The following FAM184B variants were observed in gnomAD, a reference collection of about 807,000 sequenced individuals.
The protein encoded by FAM184B is protein FAM184B.
In FAM184B, 111 loss-of-function variants were observed where a neutral mutation model predicts 135.9. The ratio of observed to expected loss-of-function variants is 0.82; its 90% CI spans 0.70 to 0.96. The LOEUF is 0.96. Among genes scored for constraint, FAM184B ranks in the 40% least tolerant of loss-of-function variants. FAM184B has a pLI of 0.00. For missense variants in FAM184B, 1,375 were observed against 1,323.9 expected (o/e 1.04, Z -0.60); for synonymous variants, 552 against 524.8 (o/e 1.05, Z -0.71).
chr4:17,771,947 T>A (rs1451638799), intron 1 of FAM184B, among the ~76,000 whole-genome samples: 6 of 152,146 alleles, frequency 3.9e-5, no homozygotes, highest in Non-Finnish European at 8.8e-5. Context: ...GGTGGAAAAT[T>A]TTCCCCCAAC....
chr4:17,640,975 C>T (rs752889843), intron 13 of FAM184B, among the ~76,000 whole-genome samples: 10 of 151,702 alleles, frequency 6.6e-5, no homozygotes, highest in Admixed American at 2.6e-4. Context: ...GCTCTGCCGC[C>T]CAGGCTGAAG....
At chr4:17,728,468 A>C (rs573800791) in intron 1 of FAM184B, among the ~76,000 whole-genome samples, 79 of 152,292 alleles carry the variant, frequency 5.2e-4, no homozygotes, top group African/African-American at 1.8e-3. Context: ...TTACATTTTG[A>C]CTGCTGTGAG....
chr4:17,750,160 T>C (rs1718262782), intron 1 of FAM184B, among the ~76,000 whole-genome samples: 1 of 152,242 alleles, frequency 6.6e-6, no homozygotes, highest in South Asian at 2.1e-4. Flanking sequence ...AGAGTCATCA[T>C]ACATATTGTA....
chr4:17,665,872 T>C (rs1716036140), intron 7 of FAM184B, among the ~76,000 whole-genome samples: 1 of 151,248 alleles, frequency 6.6e-6, no homozygotes. Flanking sequence ...TGTGCAGCCT[T>C]CATTCCTGGG....
At chr4:17,695,165 T>G (rs77622293) in intron 5 of FAM184B, among the ~76,000 whole-genome samples, 9 of 23,300 alleles carry the variant, frequency 3.9e-4, no homozygotes, top group Admixed American at 3.8e-3. Flanking sequence ...CTTTGTTGTT[T>G]TTTTTTTTTC....
intron 1 of FAM184B, among the ~76,000 whole-genome samples, chr4:17,763,254 G>A (rs930410362): frequency 6.6e-6 from 1 of 152,036 alleles, no homozygotes; most frequent in African/African-American, 2.4e-5. Context: ...TCTAAATTGG[G>A]TCTTCCCTGG....
chr4:17,634,941 G>T, intron 16 of FAM184B, 68 bp downstream of exon 16: 1 of 1,106,608 alleles, frequency 9.0e-7, no homozygotes, highest in Non-Finnish European at 1.3e-6. Flanking sequence ...AATAACCTGT[G>T]GTTACCTTTA....
At chr4:17,753,496 TCTC>T (rs1366230241) in intron 1 of FAM184B, among the ~76,000 whole-genome samples, 1 of 152,188 alleles carries the variant, frequency 6.6e-6, no homozygotes, top group East Asian at 1.9e-4. Context: ...TTAAATCAGT[TCTC>T]CTACTGTCAA....
At position 17,708,663 on chromosome 4, in the gene FAM184B, CTATATA is replaced by C. The variant is rs60087211; in HGVS notation, c.894+223_894+228del. ...CCGTCTCAAAAATAAGGAAACAAAACTATATATATATATATATATATATATATATAT... is the reference window on the plus strand; with the variant it reads ...CCGTCTCAAAAATAAGGAAACAAAACTATATATATATATATATATATATAT... On this transcript the variant is annotated intron_variant, in intron 2 of 17. Coordinates refer to ENST00000265018, the MANE Select transcript of FAM184B (RefSeq NM_015688.2). Among the ~76,000 whole-genome samples, 113 of 16,978 alleles carry C rather than the reference CTATATA, an allele frequency of 6.7e-3. 3 individuals carry two copies. Among genetic ancestry groups the C allele is most frequent in the African/African-American group, 0.013 (55 of 4,350 alleles). The allele number at this position is 16,978 out of a possible 152,430, so 11.1% of individuals were successfully genotyped here. A position where few individuals can be genotyped will look rare whatever the true frequency, so the allele number is the denominator to read the frequency against.
chr4:17,635,711 G>A (rs150134079), intron 15 of FAM184B, among the ~76,000 whole-genome samples: 32 of 150,024 alleles, frequency 2.1e-4, no homozygotes, highest in African/African-American at 6.6e-4. Context: ...TTGTTCACAC[G>A]TAGCAAATGA....
At chr4:17,727,815 A>G (rs1208743459) in intron 1 of FAM184B, among the ~76,000 whole-genome samples, 2 of 152,210 alleles carry the variant, frequency 1.3e-5, no homozygotes, top group Non-Finnish European at 2.9e-5. Context: ...GAGCCGAACC[A>G]TATCACCTAA....
chr4:17,641,226 G>A lies in FAM184B; in HGVS notation c.2519+830C>T, dbSNP rs184140656. 7.8e-4 allele frequency among the ~76,000 whole-genome samples: 118 copies of A among 152,144 alleles called. 1 individual carries two copies. The highest frequency in any genetic ancestry group is 2.8e-4 in the Non-Finnish European group (19 of 68,000). ...TGGTATTACAGGCGTGAGCTACCAC[G>A]CCAGCCGAGGCTGGAGTCTTATCCC... is the stretch of plus-strand genomic sequence containing the variant. On this transcript the variant is annotated intron_variant, in intron 13 of 17. Coordinates refer to ENST00000265018, the MANE Select transcript of FAM184B (RefSeq NM_015688.2).
chr4:17,644,491 A>G (rs1380661590), intron 12 of FAM184B, among the ~76,000 whole-genome samples: 3 of 152,228 alleles, frequency 2.0e-5, no homozygotes, highest in African/African-American at 7.2e-5. Context: ...AAACCACATG[A>G]TTATCTCAAT....
At chr4:17,636,452 C>G (rs577846214) in intron 15 of FAM184B, 76 bp downstream of exon 15, 14 of 1,100,756 alleles carry the variant, frequency 1.3e-5, no homozygotes, top group Non-Finnish European at 1.6e-5. Flanking sequence ...ATGCTGGGTG[C>G]AAGTGAACGC....
intron 5 of FAM184B, among the ~76,000 whole-genome samples, chr4:17,701,366 A>G (rs537415377): frequency 6.6e-6 from 1 of 152,232 alleles, no homozygotes; most frequent in South Asian, 2.1e-4. Context: ...TTCATATCCA[A>G]CTTTAGTTGT....
Position 17,639,323 on chromosome 4 carries a change from T to C in FAM184B, c.2593A>G (p.Met865Val). 2 of 1,551,712 alleles carry C rather than the reference T, an allele frequency of 1.3e-6. No individual in the cohort carries two copies. Among genetic ancestry groups the C allele is most frequent in the Non-Finnish European group, 1.7e-6 (2 of 1,146,998 alleles). The change falls in exon 14 of 18, where the codon ATG becomes GTG. Residue 865 changes from methionine to valine, a missense_variant. Physicochemically the swap from Met to Val is conservative, Grantham distance 21 (BLOSUM62 1). Coordinates refer to ENST00000265018, the MANE Select transcript of FAM184B (RefSeq NM_015688.2). ...ETLRQEHRKE[M>V]QAMVADFSSA... Reference sequence around the variant, plus strand: ...CTGAAATCTGCCACCATGGCCTGCATCTCCTTCCGGTGTTCCTGGCGCAGT... The same window carrying C: ...CTGAAATCTGCCACCATGGCCTGCACCTCCTTCCGGTGTTCCTGGCGCAGT...
chr4:17,753,155 A>G (rs1718339250), intron 1 of FAM184B, among the ~76,000 whole-genome samples: 1 of 152,106 alleles, frequency 6.6e-6, no homozygotes, highest in Admixed American at 6.5e-5. Context: ...TTTGTGCTCC[A>G]CTGTACCCCA....
At chr4:17,653,121 A>C in intron 10 of FAM184B, 138 bp from the exon 11 acceptor site, 2 of 850,716 alleles carry the variant, frequency 2.4e-6, no homozygotes, top group African/African-American at 1.7e-5. Flanking sequence ...GGCTACAGAG[A>C]ATGCTGTAGC....
intron 1 of FAM184B, among the ~76,000 whole-genome samples, chr4:17,774,998 T>C (rs1039729300): frequency 9.7e-5 from 13 of 133,742 alleles, no homozygotes; most frequent in Non-Finnish European, 1.6e-4. Flanking sequence ...TTTTCTTTTT[T>C]TTTTTTTTTT....
Sources: allele counts gnomAD v4.1 joint callset (sites outside exome capture counted in the v4.1 genomes callset), GRCh38; gene constraint gnomAD v4.1.1; transcripts MANE v1.5; gene names NCBI Gene and HGNC (gene_info 2026-07-23, HGNC 2026-07-21).